NRXN3: variants seen among roughly 807,000 people sequenced by gnomAD.
NRXN3 encodes neurexin 3.
In NRXN3, 32 loss-of-function variants were observed where a neutral mutation model predicts 137.6. That is an observed-to-expected ratio of 0.23 (90% CI 0.18 to 0.31). NRXN3 has a LOEUF of 0.31. Ranked by LOEUF, NRXN3 falls within the 10% of genes least tolerant of loss-of-function variation. The pLI is 1.00. For missense variants in NRXN3, 1,574 were observed against 2,062.5 expected (o/e 0.76, Z 4.59); for synonymous variants, 798 against 784.5 (o/e 1.02, Z -0.29).
At chr14:78,293,887 T>C (rs771299104) in intron 3 of NRXN3, among the ~76,000 whole-genome samples, 39 of 152,204 alleles carry the variant, frequency 2.6e-4, no homozygotes, top group African/African-American at 9.4e-4. Context: ...GTCTCAACCA[T>C]GTACCTGGCA....
At chr14:78,345,183 C>T (rs1597564386) in intron 4 of NRXN3, among the ~76,000 whole-genome samples, 1 of 152,152 alleles carries the variant, frequency 6.6e-6, no homozygotes, top group East Asian at 1.9e-4. Context: ...GTTATATTTG[C>T]TGCTTAGGTA....
chr14:78,922,055 T>C (rs1209190770), intron 10 of NRXN3, among the ~76,000 whole-genome samples: 1 of 152,218 alleles, frequency 6.6e-6, no homozygotes, highest in African/African-American at 2.4e-5. Context: ...GCTGAAGTTG[T>C]AACCCTGGTG....
At chr14:79,036,850 C>T (rs377210984) in intron 15 of NRXN3, among the ~76,000 whole-genome samples, 6 of 151,520 alleles carry the variant, frequency 4.0e-5, no homozygotes, top group East Asian at 2.0e-4. Flanking sequence ...GAAGGGAAGG[C>T]GGGACCAGGT....
chr14:78,643,957 A>G (rs1405550442), intron 4 of NRXN3, among the ~76,000 whole-genome samples: 2 of 152,116 alleles, frequency 1.3e-5, no homozygotes, highest in Non-Finnish European at 2.9e-5. Flanking sequence ...CCTGGCCAAC[A>G]TGGTGAAACC....
At chr14:79,067,615 G>A (rs530596297) in intron 15 of NRXN3, among the ~76,000 whole-genome samples, 2 of 152,050 alleles carry the variant, frequency 1.3e-5, no homozygotes, top group Admixed American at 1.3e-4. Flanking sequence ...TAGTTGGTAG[G>A]CTATTCTCTA....
At chr14:79,800,810 T>A (rs2099176281) in intron 19 of NRXN3, among the ~76,000 whole-genome samples, 1 of 152,044 alleles carries the variant, frequency 6.6e-6, no homozygotes. Flanking sequence ...AAGCCCTGGG[T>A]TTTCTGAAAG....
chr14:78,444,294 C>G (rs540745617), intron 4 of NRXN3, among the ~76,000 whole-genome samples: 3 of 152,316 alleles, frequency 2.0e-5, no homozygotes, highest in African/African-American at 7.2e-5. Context: ...CTGTAGGTTA[C>G]TTAGCAGAGA....
At chr14:79,461,375 C>T (rs750776508) in intron 15 of NRXN3, among the ~76,000 whole-genome samples, 1 of 152,058 alleles carries the variant, frequency 6.6e-6, no homozygotes, top group Non-Finnish European at 1.5e-5. Context: ...AGGGAAGAGG[C>T]ATCAGATGAG....
At chr14:78,850,876 T>C (rs142967722) in intron 10 of NRXN3, among the ~76,000 whole-genome samples, 2 of 152,286 alleles carry the variant, frequency 1.3e-5, no homozygotes, top group Non-Finnish European at 2.9e-5. Flanking sequence ...TAAAGAAAAC[T>C]AACATTCTTC....
intron 16 of NRXN3, among the ~76,000 whole-genome samples, chr14:79,651,553 G>T (rs1024496554): frequency 6.6e-6 from 1 of 151,980 alleles, no homozygotes; most frequent in Non-Finnish European, 1.5e-5. Context: ...AAAAAGAATT[G>T]TTCCATTAAA....
At chr14:79,439,662 CCAACT>C (rs1402553112) in intron 15 of NRXN3, among the ~76,000 whole-genome samples, 2 of 152,136 alleles carry the variant, frequency 1.3e-5, no homozygotes, top group African/African-American at 4.8e-5. Context: ...AAGTCTCTTT[CCAACT>C]CAACTCTATA....
intron 15 of NRXN3, among the ~76,000 whole-genome samples, chr14:79,173,390 G>A (rs2061978732): frequency 1.3e-5 from 2 of 151,734 alleles, no homozygotes; most frequent in South Asian, 4.2e-4. Flanking sequence ...CACATAGCTG[G>A]GCATGGTAGT....
chr14:79,124,742 C>T (rs564285475), intron 15 of NRXN3, among the ~76,000 whole-genome samples: 2 of 152,228 alleles, frequency 1.3e-5, no homozygotes, highest in East Asian at 1.9e-4. Context: ...ATAAGTAATA[C>T]CTGGAACATG....
intron 10 of NRXN3, among the ~76,000 whole-genome samples, chr14:78,931,299 G>A (rs1380884519): frequency 6.6e-6 from 1 of 152,072 alleles, no homozygotes; most frequent in African/African-American, 2.4e-5. Context: ...GGGGGCAGTC[G>A]TCTAAAGAAT....
rs117281239 is a variant in NRXN3, at chr14:79,094,011, C to T, written c.3262+105870C>T. Among the ~76,000 whole-genome samples, 633 of 152,164 alleles carry T rather than the reference C, an allele frequency of 4.2e-3. 26 individuals are homozygous for T. Among genetic ancestry groups the T allele is most frequent in the Admixed American group, 0.038 (583 of 15,282 alleles). On this transcript the variant is annotated intron_variant, in intron 15 of 20. Transcript: ENST00000335750. ...ACCCAAATATGCATTTATCAGGAGC[C>T]CCCTAAGTCAAGCTCTCCTGTCCTC...
chr14:78,946,654 A>G (rs999935389), intron 10 of NRXN3, among the ~76,000 whole-genome samples: 3 of 152,054 alleles, frequency 2.0e-5, no homozygotes, highest in Non-Finnish European at 2.9e-5. Context: ...CCCCATGTTA[A>G]TGAGGAACTC....
At chr14:79,461,085 A>G (rs2096332181) in intron 15 of NRXN3, among the ~76,000 whole-genome samples, 1 of 152,118 alleles carries the variant, frequency 6.6e-6, no homozygotes, top group Non-Finnish European at 1.5e-5. Context: ...TCCCTCTGTA[A>G]TGCAGAGGCC....
chr14:78,487,406 G>GAAAT (rs1339599664), intron 4 of NRXN3, among the ~76,000 whole-genome samples: 1 of 152,092 alleles, frequency 6.6e-6, no homozygotes, highest in Admixed American at 6.6e-5. Flanking sequence ...AAATGCCAAG[G>GAAAT]AAATGTTTGT....
intron 6 of NRXN3, among the ~76,000 whole-genome samples, chr14:78,701,515 T>C (rs1278385443): frequency 6.6e-6 from 1 of 152,088 alleles, no homozygotes; most frequent in Admixed American, 6.5e-5. Flanking sequence ...TGAGGTATGG[T>C]CTAAGGATTT....
Sources: gnomAD v4.1 joint callset for allele counts (sites outside exome capture counted in the v4.1 genomes callset) on GRCh38, gnomAD v4.1.1 for gene constraint, MANE v1.5 for transcripts, NCBI Gene and HGNC (gene_info 2026-07-23, HGNC 2026-07-21) for gene names.